PAK2: variants seen among roughly 807,000 people sequenced by gnomAD.
PAK2 encodes serine/threonine-protein kinase PAK 2.
In PAK2, 21 loss-of-function variants were observed where a neutral mutation model predicts 65.9. That is an observed-to-expected ratio of 0.32 (90% CI 0.23 to 0.46). PAK2 has a LOEUF of 0.46. Ranked by LOEUF, PAK2 falls within the 20% of genes least tolerant of loss-of-function variation. The pLI is 1.00. For synonymous variants in PAK2, 204 were observed against 219.7 expected, an observed-to-expected ratio of 0.93 and a Z score of 0.63; for missense variants, 324 against 642.6, an observed-to-expected ratio of 0.50 and a Z score of 5.36.
At chr3:196,805,464 C>A in intron 5 of PAK2, 81 bp downstream of exon 5, 1 of 721,958 alleles carries the variant, frequency 1.4e-6, no homozygotes. Context: ...ATTTTGCTTT[C>A]TAAAATAAAT....
chr3:196,811,281 T>C (rs201220292), intron 8 of PAK2, among the ~76,000 whole-genome samples: 2 of 23,574 alleles, frequency 8.5e-5, no homozygotes, highest in Admixed American at 5.0e-4. Context: ...TTCCCTCCCT[T>C]CCCTCCCTTC....
rs1038618911 is a variant in PAK2, at chr3:196,831,583, G to C, written c.*3178G>C. 1 of 152,144 alleles carries C rather than the reference G, an allele frequency of 6.6e-6. No homozygotes were observed. Among genetic ancestry groups the C allele is most frequent in the Non-Finnish European group, 1.5e-5 (1 of 68,040 alleles). 9.4% of individuals were successfully genotyped at this position (152,144 alleles called of 1,614,324 possible). A position where few individuals can be genotyped will look rare whatever the true frequency, so the allele number is the denominator to read the frequency against. ...AGTCTAGTAACCAGCAACTGTAAAC[G>C]AACCTGTGCCTCTAACAAGCGATTC... On this transcript the variant is annotated 3_prime_UTR_variant, in exon 15 of 15. Transcript: ENST00000327134.
rs115096739 is a variant in PAK2, at chr3:196,763,468, A to T, written c.-21-19158A>T. On this transcript the variant is annotated intron_variant, in intron 1 of 14. Transcript: ENST00000327134. ...TTAGCATCGTGTCCCGGCAAAGGAAAAATGCTTGAAGGCCTCAGATCCGTT... is the reference window on the plus strand; with the variant it reads ...TTAGCATCGTGTCCCGGCAAAGGAATAATGCTTGAAGGCCTCAGATCCGTT... 9.9e-4 allele frequency among the ~76,000 whole-genome samples: 151 copies of T among 152,244 alleles called. 1 individual carries two copies. The highest frequency in any genetic ancestry group is 3.6e-3 in the African/African-American group (148 of 41,528).
rs191690789 is a variant in PAK2, at chr3:196,806,987, A to G, written c.576+301A>G. On this transcript the variant is annotated intron_variant, in intron 6 of 14. Transcript: ENST00000327134. ...TCCCAAGCTTTCTCTGTTTATCTCA[A>G]TGTAGATGACGACTAAATCTAAAAC... Among the ~76,000 whole-genome samples the G allele has an allele frequency of 4.4e-3, 665 of 152,172 alleles. 3 individuals are homozygous for G. Among genetic ancestry groups the G allele is most frequent in the Non-Finnish European group, 6.2e-3 (419 of 68,006 alleles).
At chr3:196,825,535 C>A (rs1159048593) in intron 13 of PAK2, among the ~76,000 whole-genome samples, 1 of 151,724 alleles carries the variant, frequency 6.6e-6, no homozygotes. Context: ...CCCAGCTACT[C>A]GGAAGGCTGA....
At chr3:196,745,552 G>A (rs1439585191) in intron 1 of PAK2, among the ~76,000 whole-genome samples, 5 of 152,088 alleles carry the variant, frequency 3.3e-5, no homozygotes, top group Admixed American at 6.5e-5. Context: ...AGTGGCTTAC[G>A]CCTGTAATCC....
chr3:196,755,783 G>A (rs1341890205), intron 1 of PAK2, among the ~76,000 whole-genome samples: 2 of 151,284 alleles, frequency 1.3e-5, no homozygotes, highest in Non-Finnish European at 2.9e-5. Flanking sequence ...TTGAGACGGA[G>A]TCTCGCTTTG....
Position 196,740,077 on chromosome 3 carries a change from G to T in PAK2, c.-102G>T, listed in dbSNP as rs1246484242. ...CTCCCCTCCCCTCCCCGCACCGCGCGCTAGCCCGGGGCGGCTCCGCAGCCC... is the reference window on the plus strand; with the variant it reads ...CTCCCCTCCCCTCCCCGCACCGCGCTCTAGCCCGGGGCGGCTCCGCAGCCC... On this transcript the variant is annotated 5_prime_UTR_variant, in exon 1 of 15. Transcript: ENST00000327134. 6.7e-6 allele frequency: 1 copy of T among 149,830 alleles called. No individual in the cohort carries two copies. The highest frequency in any genetic ancestry group is 1.5e-5 in the Non-Finnish European group (1 of 67,422). 9.3% of individuals were successfully genotyped at this position (149,830 alleles called of 1,614,324 possible).
At chr3:196,765,896 G>A (rs1402040655) in intron 1 of PAK2, among the ~76,000 whole-genome samples, 1 of 150,772 alleles carries the variant, frequency 6.6e-6, no homozygotes, top group African/African-American at 2.5e-5. Context: ...TATAAAATTA[G>A]TATCTTCTTT....
At position 196,761,836 on chromosome 3, in the gene PAK2, ACCCC is replaced by A. The variant is rs71161960; in HGVS notation, c.-21-20784_-21-20781del. ...GGGCGGCTGGCCGGGCGGGGGGCTG[ACCCC>A]CCCCCACCTCCCTCCCGGACGGGGT... On this transcript the variant is annotated intron_variant, in intron 1 of 14. Transcript: ENST00000327134. Among the ~76,000 whole-genome samples the A allele has an allele frequency of 1.3e-4, 18 of 136,090 alleles. No homozygotes were observed. In the East Asian group the frequency reaches 3.7e-3, roughly 28 times the overall value. 89.3% of individuals were successfully genotyped at this position (136,090 alleles called of 152,430 possible). A position where few individuals can be genotyped will look rare whatever the true frequency, so the allele number is the denominator to read the frequency against.
At chr3:196,750,529 C>T (rs577910705) in intron 1 of PAK2, among the ~76,000 whole-genome samples, 2 of 152,120 alleles carry the variant, frequency 1.3e-5, no homozygotes, top group African/African-American at 4.8e-5. Flanking sequence ...TTGTCCTGTA[C>T]GATCATGATT....
intron 1 of PAK2, among the ~76,000 whole-genome samples, chr3:196,765,828 T>C (rs1280280359): frequency 6.6e-6 from 1 of 152,194 alleles, no homozygotes; most frequent in African/African-American, 2.4e-5. Context: ...AAAACACATT[T>C]TGAGTTTCTG....
intron 1 of PAK2, among the ~76,000 whole-genome samples, chr3:196,750,756 TAAAAAAA>T (rs869208797): frequency 6.8e-6 from 1 of 147,582 alleles, no homozygotes. Context: ...AAATAAAGTT[TAAAAAAA>T]AAAAAAACCA....
At chr3:196,815,685 G>A (rs1166947178) in intron 11 of PAK2, among the ~76,000 whole-genome samples, 1 of 151,856 alleles carries the variant, frequency 6.6e-6, no homozygotes, top group Non-Finnish European at 1.5e-5. Context: ...TACTCGGGAG[G>A]CTGAGACGGG....
At position 196,803,171 on chromosome 3, in the gene PAK2, G is replaced by T; in HGVS notation, c.436+7G>T. ...CTGAGCTTTACTCCTCCTGGTAAGAGAGTGGCATAAGGCTGGATCAGATGG... is the reference window on the plus strand; with the variant it reads ...CTGAGCTTTACTCCTCCTGGTAAGATAGTGGCATAAGGCTGGATCAGATGG... On this transcript the variant is annotated splice_region_variant and intron_variant, in intron 4 of 14. Coordinates refer to ENST00000327134, the MANE Select transcript of PAK2 (RefSeq NM_002577.4). 3 of 1,595,802 alleles carry T rather than the reference G, an allele frequency of 1.9e-6. No homozygotes were observed.
At position 196,808,557 on chromosome 3, in the gene PAK2, C is replaced by CAAAAAAAAAAAAAAAAAAA. The variant is rs1208200034; in HGVS notation, c.709+661_709+662insAAAAAAAAAAAAAAAAAAA. ...GCCTGGCAACAGTGAGACTCCATCT[C>CAAAAAAAAAAAAAAAAAAA]AAAAAAAAAAAAAAAAAAGCGAACC... On this transcript the variant is annotated intron_variant, in intron 7 of 14. Transcript: ENST00000327134. 2.8e-4 allele frequency among the ~76,000 whole-genome samples: 16 copies of CAAAAAAAAAAAAAAAAAAA among 56,568 alleles called. 1 individual carries two copies. The highest frequency in any genetic ancestry group is 1.1e-3 in the African/African-American group (16 of 14,930). The allele number at this position is 56,568 out of a possible 152,430, so 37.1% of individuals were successfully genotyped here. A position where few individuals can be genotyped will look rare whatever the true frequency, so the allele number is the denominator to read the frequency against.
chr3:196,791,746 A>G lies in PAK2; in HGVS notation c.187+8913A>G, dbSNP rs1221410603. On this transcript the variant is annotated intron_variant, in intron 2 of 14. Coordinates refer to ENST00000327134, the MANE Select transcript of PAK2 (RefSeq NM_002577.4). The surrounding 1 kb of genome is among the most constrained non-coding windows in gnomAD (Gnocchi z 4.0). ...AAGACCATCCTGGCTAACAAGGTGA[A>G]ACCCCGTCTCTACTAAAAATACAAA... Among the ~76,000 whole-genome samples the G allele has an allele frequency of 1.3e-5, 2 of 151,904 alleles. No homozygotes were observed. The highest frequency in any genetic ancestry group is 2.4e-5 in the African/African-American group (1 of 41,366).
intron 2 of PAK2, among the ~76,000 whole-genome samples, chr3:196,795,292 CAA>C (rs55963334): frequency 6.6e-4 from 90 of 136,078 alleles, no homozygotes; most frequent in Non-Finnish European, 8.2e-4. Context: ...CCCATCTCTA[CAA>C]AAAAAAAAAA....
chr3:196,783,432 C>T (rs1714776213), intron 2 of PAK2, among the ~76,000 whole-genome samples: 3 of 151,930 alleles, frequency 2.0e-5, no homozygotes, highest in Non-Finnish European at 4.4e-5. Context: ...TTAAGAATCA[C>T]TGGGCCAGAC....
Sources: allele counts gnomAD v4.1 joint callset (sites outside exome capture counted in the v4.1 genomes callset), GRCh38; gene constraint gnomAD v4.1.1; non-coding constraint Gnocchi (gnomAD v3.1); transcripts MANE v1.5; gene names NCBI Gene and HGNC (gene_info 2026-07-23, HGNC 2026-07-21).